Variants in WDFY2 observed in about 807,000 individuals in gnomAD.
WDFY2 encodes WD repeat and FYVE domain containing 2, also known as WD repeat and FYVE domain-containing protein 2.
A neutral mutation model predicts 56.4 loss-of-function variants in WDFY2; 36 were observed. That is an observed-to-expected ratio of 0.64 (90% CI 0.49 to 0.84). The LOEUF is 0.84. Among genes scored for constraint, WDFY2 ranks in the 40% least tolerant of loss-of-function variants. The pLI is 0.00. For missense variants in WDFY2, 444 were observed against 512.2 expected, an observed-to-expected ratio of 0.87 and a Z score of 1.29; for synonymous variants, 176 against 183.7, an observed-to-expected ratio of 0.96 and a Z score of 0.34.
rs577071895 is a variant in WDFY2 at position 51,650,323 on chromosome 13, A to G, written c.138-10273A>G. On this transcript the variant is annotated intron_variant, in intron 1 of 11. Transcript: ENST00000298125. Reference sequence around the variant, plus strand: ...CTTAAGGAGATTTTGGGCTGAGACAATGGGGTTTTCTAGATATACAATCAT... The same window carrying G: ...CTTAAGGAGATTTTGGGCTGAGACAGTGGGGTTTTCTAGATATACAATCAT... Among the ~76,000 whole-genome samples the G allele has an allele frequency of 2.3e-4, 35 of 152,316 alleles. 1 individual carries two copies. The South Asian group carries it at 2.9e-3, about 13-fold the overall frequency.
At chr13:51,585,056 G>A (rs533163140) in intron 1 of WDFY2, among the ~76,000 whole-genome samples, 4 of 152,244 alleles carry the variant, frequency 2.6e-5, no homozygotes, top group Non-Finnish European at 4.4e-5. Context: ...CCCCGGGCTG[G>A]GTAGTGCCTG....
At chr13:51,675,137 TG>T (rs1358404282) in intron 2 of WDFY2, 32 bp from the exon 3 acceptor site, 10 of 1,606,976 alleles carry the variant, frequency 6.2e-6, no homozygotes, top group Non-Finnish European at 8.5e-6. Context: ...ATCATGGTTT[TG>T]TTAATTTCAT....
chr13:51,705,111 C>G (rs1375243495), intron 4 of WDFY2, among the ~76,000 whole-genome samples: 2 of 152,162 alleles, frequency 1.3e-5, no homozygotes, highest in Admixed American at 1.3e-4. Flanking sequence ...TGGAGAAGCC[C>G]ACGTGCTGAG....
At chr13:51,652,358 A>G (rs1955408491) in intron 1 of WDFY2, among the ~76,000 whole-genome samples, 1 of 152,142 alleles carries the variant, frequency 6.6e-6, no homozygotes, top group South Asian at 2.1e-4. Context: ...CTCTTCATCC[A>G]GTTTTCCAGT....
chr13:51,675,105 A>T, intron 2 of WDFY2, 65 bp from the exon 3 acceptor site: 1 of 1,465,312 alleles, frequency 6.8e-7, no homozygotes, highest in Non-Finnish European at 9.6e-7. Context: ...TTAGCTAGTT[A>T]GGCACTCCTG....
At chr13:51,625,959 A>G (rs1954828597) in intron 1 of WDFY2, among the ~76,000 whole-genome samples, 1 of 152,244 alleles carries the variant, frequency 6.6e-6, no homozygotes, top group South Asian at 2.1e-4. Context: ...AGCCCAGGTA[A>G]CAATTTTTCA....
At chr13:51,713,311 G>A (rs768562773) in intron 4 of WDFY2, among the ~76,000 whole-genome samples, 6 of 152,162 alleles carry the variant, frequency 3.9e-5, no homozygotes, top group East Asian at 3.9e-4. Context: ...ATACAGTGTC[G>A]GATTAACATT....
intron 5 of WDFY2, among the ~76,000 whole-genome samples, chr13:51,721,082 A>T (rs1002969070): frequency 2.6e-5 from 4 of 152,172 alleles, no homozygotes; most frequent in African/African-American, 9.7e-5. Context: ...TCACATCATC[A>T]CATTCAACAT....
intron 1 of WDFY2, among the ~76,000 whole-genome samples, chr13:51,608,368 A>T (rs1473695093): frequency 6.6e-6 from 1 of 152,210 alleles, no homozygotes; most frequent in Non-Finnish European, 1.5e-5. Flanking sequence ...ACATTTTCAT[A>T]TGCATTCATT....
At chr13:51,723,994 T>C (rs1952546388) in intron 5 of WDFY2, among the ~76,000 whole-genome samples, 1 of 152,148 alleles carries the variant, frequency 6.6e-6, no homozygotes, top group Non-Finnish European at 1.5e-5. Flanking sequence ...AATTCTTATA[T>C]CTGTCTTTTT....
At chr13:51,612,931 A>C (rs1054826696) in intron 1 of WDFY2, among the ~76,000 whole-genome samples, 1 of 152,176 alleles carries the variant, frequency 6.6e-6, no homozygotes, top group African/African-American at 2.4e-5. Context: ...ATAGTTGAAA[A>C]ATTCAATTTA....
At chr13:51,706,427 T>C (rs1238917466) in intron 4 of WDFY2, among the ~76,000 whole-genome samples, 1 of 152,070 alleles carries the variant, frequency 6.6e-6, no homozygotes, top group Admixed American at 6.6e-5. Context: ...AGGGCCTGAG[T>C]GAGATGAAAA....
intron 2 of WDFY2, among the ~76,000 whole-genome samples, chr13:51,664,718 CTCCTAAT>C (rs1955671279): frequency 6.6e-6 from 1 of 152,150 alleles, no homozygotes. Context: ...CATTGTACAC[CTCCTAAT>C]TCCTACTCTT....
At chr13:51,661,868 T>C (rs1328121446) in intron 2 of WDFY2, among the ~76,000 whole-genome samples, 2 of 152,220 alleles carry the variant, frequency 1.3e-5, no homozygotes, top group Admixed American at 6.5e-5. Flanking sequence ...CATTACAGGA[T>C]CAAGCTGAAC....
intron 2 of WDFY2, among the ~76,000 whole-genome samples, chr13:51,665,437 A>G (rs942911493): frequency 8.5e-5 from 13 of 152,194 alleles, no homozygotes; most frequent in African/African-American, 2.7e-4. Flanking sequence ...TGTAATTTCA[A>G]CCACCACAGT....
At chr13:51,660,734 C>A in intron 2 of WDFY2, 71 bp downstream of exon 2, 1 of 1,368,234 alleles carries the variant, frequency 7.3e-7, no homozygotes, top group South Asian at 1.2e-5. Flanking sequence ...GTATTTTCTT[C>A]TTAAGTAGAG....
chr13:51,609,640 A>ACATTCTCC (rs1299848559), intron 1 of WDFY2, among the ~76,000 whole-genome samples: 2 of 136,526 alleles, frequency 1.5e-5, no homozygotes, highest in African/African-American at 5.5e-5. Context: ...CCAGGTTAAC[A>ACATTCTCC]TATGTTTAAG....
intron 1 of WDFY2, among the ~76,000 whole-genome samples, chr13:51,633,673 A>G (rs1954995958): frequency 6.6e-6 from 1 of 152,126 alleles, no homozygotes; most frequent in South Asian, 2.1e-4. Flanking sequence ...AATTAGTTGG[A>G]TCATTTTAGC....
At chr13:51,627,399 G>A (rs1954856167) in intron 1 of WDFY2, among the ~76,000 whole-genome samples, 1 of 152,024 alleles carries the variant, frequency 6.6e-6, no homozygotes, top group African/African-American at 2.4e-5. Flanking sequence ...ATGGAGTCTT[G>A]CTCTTGTCAC....
Sources: gnomAD v4.1 joint callset for allele counts (sites outside exome capture counted in the v4.1 genomes callset) on GRCh38, gnomAD v4.1.1 for gene constraint, MANE v1.5 for transcripts, NCBI Gene and HGNC (gene_info 2026-07-23, HGNC 2026-07-21) for gene names.